IQCM: variants seen among roughly 807,000 people sequenced by gnomAD.
IQCM encodes the protein IQ motif containing M.
IQCM carries 45 observed loss-of-function variants against 57.6 expected under a neutral mutation model. That is an observed-to-expected ratio of 0.78 (90% CI 0.62 to 1.00). The LOEUF is 1.00. IQCM is among the 50% of genes least tolerant of loss of function. The pLI, the probability that IQCM is intolerant of heterozygous loss-of-function variation, is 0.00. For missense variants in IQCM, 468 were observed against 511.6 expected (o/e 0.91, Z 0.82); for synonymous variants, 148 against 158.9 (o/e 0.93, Z 0.51).
At chr4:149,529,243 T>G (rs933433978) in intron 12 of IQCM, among the ~76,000 whole-genome samples, 2 of 152,132 alleles carry the variant, frequency 1.3e-5, no homozygotes, top group Admixed American at 6.5e-5. Flanking sequence ...TTTGTATTTT[T>G]AGTAGAGATG....
intron 2 of IQCM, among the ~76,000 whole-genome samples, chr4:149,799,188 AG>A (rs998996530): frequency 4.5e-4 from 69 of 152,000 alleles, no homozygotes; most frequent in African/African-American, 1.6e-3. Flanking sequence ...CAATAAAAAG[AG>A]GAATTTTGGA....
chr4:149,562,602 T>A (rs1750231934), intron 10 of IQCM, among the ~76,000 whole-genome samples: 2 of 152,176 alleles, frequency 1.3e-5, no homozygotes, highest in African/African-American at 4.8e-5. Flanking sequence ...ACTTACCAGC[T>A]GTTTGACTTT....
At chr4:149,749,831 G>A (rs752827109) in intron 2 of IQCM, among the ~76,000 whole-genome samples, 1 of 152,134 alleles carries the variant, frequency 6.6e-6, no homozygotes, top group Non-Finnish European at 1.5e-5. Context: ...AAAGAAATAT[G>A]AAGCATCAAG....
At chr4:149,390,882 T>G (rs1038248121) in intron 13 of IQCM, among the ~76,000 whole-genome samples, 12 of 146,640 alleles carry the variant, frequency 8.2e-5, no homozygotes, top group African/African-American at 2.8e-4. Context: ...TTTTGTTTTG[T>G]TTTTTTTTTC....
At chr4:149,461,395 C>A (rs1019554448) in intron 12 of IQCM, among the ~76,000 whole-genome samples, 2 of 152,106 alleles carry the variant, frequency 1.3e-5, no homozygotes, top group Non-Finnish European at 2.9e-5. Context: ...AACTTTAAAA[C>A]CCACTATGCT....
intron 7 of IQCM, among the ~76,000 whole-genome samples, chr4:149,621,619 C>T (rs1487149408): frequency 6.6e-6 from 1 of 152,080 alleles, no homozygotes; most frequent in Non-Finnish European, 1.5e-5. Flanking sequence ...AGGAAAACCT[C>T]TCTGTGTTAC....
chr4:149,386,241 TCAA>T (rs1157711187), intron 13 of IQCM, among the ~76,000 whole-genome samples: 3 of 152,102 alleles, frequency 2.0e-5, no homozygotes, highest in East Asian at 3.9e-4. Flanking sequence ...GTCATGTACT[TCAA>T]TGGATGCCAG....
Position 149,429,961 on chromosome 4 carries a change from G to A in IQCM, c.1390+3435C>T, listed in dbSNP as rs1011286457. ...CTTTTAATTTGTTTATTTTAACAAAGTGCAAATAGACTCTAAACAACAAAC... is the reference window on the plus strand; with the variant it reads ...CTTTTAATTTGTTTATTTTAACAAAATGCAAATAGACTCTAAACAACAAAC... On this transcript the variant is annotated intron_variant, in intron 13 of 13. Coordinates refer to ENST00000636793, the MANE Select transcript of IQCM (RefSeq NM_001363507.2). 5 of 1,206,698 alleles carry A rather than the reference G, an allele frequency of 4.1e-6. No homozygotes were observed. The African/African-American group carries it at 7.8e-5, about 19-fold the overall frequency. The allele number at this position is 1,206,698 out of a possible 1,614,324, so 74.7% of individuals were successfully genotyped here. A position where few individuals can be genotyped will look rare whatever the true frequency, so the allele number is the denominator to read the frequency against.
chr4:149,595,240 G>A (rs2150019579), intron 8 of IQCM, among the ~76,000 whole-genome samples: 1 of 152,014 alleles, frequency 6.6e-6, no homozygotes, highest in Admixed American at 6.6e-5. Context: ...GATCTTTGTT[G>A]GTTTAAAGTC....
chr4:149,752,460 G>A (rs1768542345), intron 2 of IQCM, among the ~76,000 whole-genome samples: 1 of 151,632 alleles, frequency 6.6e-6, no homozygotes, highest in South Asian at 2.1e-4. Flanking sequence ...GCTGAGGCAG[G>A]AGAATTGCTT....
At chr4:149,431,074 G>A (rs1734816000) in intron 13 of IQCM, among the ~76,000 whole-genome samples, 1 of 151,686 alleles carries the variant, frequency 6.6e-6, no homozygotes, top group Admixed American at 6.6e-5. Flanking sequence ...GTGTGGTGGT[G>A]GGCACCTGTA....
At chr4:149,411,328 A>G (rs1733370047) in intron 13 of IQCM, among the ~76,000 whole-genome samples, 3 of 152,162 alleles carry the variant, frequency 2.0e-5, no homozygotes, top group East Asian at 1.9e-4. Context: ...AACAGTTCAA[A>G]ATATGTTTGT....
chr4:149,779,282 A>G (rs1427530507), intron 2 of IQCM, among the ~76,000 whole-genome samples: 1 of 152,178 alleles, frequency 6.6e-6, no homozygotes. Context: ...TAAAATTCAT[A>G]TGAAAGTCAA....
At chr4:149,511,058 C>T (rs963610099) in intron 12 of IQCM, among the ~76,000 whole-genome samples, 1 of 152,268 alleles carries the variant, frequency 6.6e-6, no homozygotes, top group South Asian at 2.1e-4. Flanking sequence ...GGCCAGCCTC[C>T]TTAACATGAC....
chr4:149,670,354 T>C (rs1347727234), intron 7 of IQCM, among the ~76,000 whole-genome samples: 3 of 152,202 alleles, frequency 2.0e-5, no homozygotes, highest in Admixed American at 1.3e-4. Flanking sequence ...CTGAAGTTGC[T>C]TATCAGCTTA....
intron 8 of IQCM, among the ~76,000 whole-genome samples, chr4:149,614,603 G>A (rs1037115967): frequency 1.3e-5 from 2 of 152,108 alleles, no homozygotes; most frequent in Non-Finnish European, 2.9e-5. Flanking sequence ...TCCCTTGCTT[G>A]TCAGCTCTTC....
chr4:149,355,920 T>C (rs2110882086), intron 13 of IQCM, among the ~76,000 whole-genome samples: 1 of 152,276 alleles, frequency 6.6e-6, no homozygotes, highest in East Asian at 1.9e-4. Context: ...TTCCTGACTT[T>C]TTAATGATCG....
chr4:149,747,579 T>G (rs894524584), intron 2 of IQCM, among the ~76,000 whole-genome samples: 3 of 152,246 alleles, frequency 2.0e-5, no homozygotes, highest in Admixed American at 1.3e-4. Context: ...AATCTACATA[T>G]GTGGAATCCA....
chr4:149,466,775 A>G (rs1738900230), intron 12 of IQCM, among the ~76,000 whole-genome samples: 1 of 152,154 alleles, frequency 6.6e-6, no homozygotes, highest in Non-Finnish European at 1.5e-5. Flanking sequence ...AAAAACAACA[A>G]AATTTACTTC....
Sources: allele counts gnomAD v4.1 joint callset (sites outside exome capture counted in the v4.1 genomes callset), GRCh38; gene constraint gnomAD v4.1.1; transcripts MANE v1.5; gene names NCBI Gene and HGNC (gene_info 2026-07-23, HGNC 2026-07-21).